Variants in TAF1B observed in about 807,000 individuals in gnomAD.
The protein encoded by TAF1B is TATA-box binding protein associated factor, RNA polymerase I subunit B, also known as TATA box-binding protein-associated factor RNA polymerase I subunit B.
A neutral mutation model predicts 83.9 loss-of-function variants in TAF1B; 61 were observed. The observed-to-expected ratio is 0.73, with a 90% CI of 0.59 to 0.90. The LOEUF is 0.90. TAF1B is among the 40% of genes least tolerant of loss of function. The pLI, the probability that TAF1B is intolerant of heterozygous loss-of-function variation, is 0.00. For missense variants in TAF1B, 625 were observed against 677.0 expected (o/e 0.92, Z 0.85); for synonymous variants, 221 against 224.6 (o/e 0.98, Z 0.14).
chr2:9,919,485 A>G, intron 13 of TAF1B, 113 bp from the exon 14 acceptor site: 1 of 876,588 alleles, frequency 1.1e-6, no homozygotes, highest in South Asian at 1.6e-5. Flanking sequence ...ACTGTGGTAC[A>G]TCTGCGAAAA....
At position 9,849,365 on chromosome 2, in the gene TAF1B, T is replaced by C; in HGVS notation, c.118-8T>C. ...TCTTTTTTAATGGTCTTTTTCTCTTTCCTGCAGAGATATCAGGAAGTTACA... is the reference window on the plus strand; with the variant it reads ...TCTTTTTTAATGGTCTTTTTCTCTTCCCTGCAGAGATATCAGGAAGTTACA... On this transcript the variant is annotated splice_region_variant and splice_polypyrimidine_tract_variant and intron_variant, in intron 2 of 14. Coordinates refer to ENST00000263663, the MANE Select transcript of TAF1B (RefSeq NM_005680.3). 1 of 1,589,148 alleles carries C rather than the reference T, an allele frequency of 6.3e-7. No individual in the cohort carries two copies. Among genetic ancestry groups the C allele is most frequent in the Non-Finnish European group, 8.6e-7 (1 of 1,167,464 alleles).
At chr2:9,913,901 G>A (rs145170477) in intron 12 of TAF1B, among the ~76,000 whole-genome samples, 200 of 152,250 alleles carry the variant, frequency 1.3e-3, no homozygotes, top group African/African-American at 4.5e-3. Context: ...GTCTCTTTGA[G>A]GCTTTGAAGA....
chr2:9,846,171 GTACCAGGAC>G, intron 2 of TAF1B: 1 of 465,888 alleles, frequency 2.1e-6, no homozygotes, highest in South Asian at 1.6e-5. Context: ...AGTTACCCAA[GTACCAGGAC>G]TTGAATGTGA....
chr2:9,896,100 G>A (rs1396345079), intron 8 of TAF1B, among the ~76,000 whole-genome samples: 2 of 152,042 alleles, frequency 1.3e-5, no homozygotes, highest in Non-Finnish European at 2.9e-5. Context: ...TCTTACTATT[G>A]TAATGAAATG....
At chr2:9,891,741 G>A (rs947946899) in intron 8 of TAF1B, among the ~76,000 whole-genome samples, 18 of 151,866 alleles carry the variant, frequency 1.2e-4, no homozygotes, top group Non-Finnish European at 2.1e-4. Context: ...TAACAAAAAA[G>A]TTTAAAGAGT....
intron 8 of TAF1B, among the ~76,000 whole-genome samples, chr2:9,901,281 A>T (rs1168807818): frequency 6.6e-6 from 1 of 152,238 alleles, no homozygotes; most frequent in Non-Finnish European, 1.5e-5. Flanking sequence ...ATTTTAAAAA[A>T]TGAAATCTGT....
intron 8 of TAF1B, among the ~76,000 whole-genome samples, chr2:9,888,402 G>T (rs1664744053): frequency 6.6e-6 from 1 of 151,352 alleles, no homozygotes; most frequent in Non-Finnish European, 1.5e-5. Context: ...TGCCATTTCT[G>T]GTAATCTTTT....
At chr2:9,869,441 T>C (rs2125147148) in intron 6 of TAF1B, among the ~76,000 whole-genome samples, 1 of 151,556 alleles carries the variant, frequency 6.6e-6, no homozygotes, top group East Asian at 2.0e-4. Context: ...GTCAGACTGG[T>C]CTCAAACTCC....
chr2:9,923,406 C>T (rs1041111014), intron 14 of TAF1B, among the ~76,000 whole-genome samples: 2 of 151,864 alleles, frequency 1.3e-5, no homozygotes, highest in Non-Finnish European at 2.9e-5. Context: ...TGGCCGGGCA[C>T]GGTGGTTCAC....
intron 7 of TAF1B, among the ~76,000 whole-genome samples, chr2:9,882,096 C>T (rs1170060299): frequency 1.3e-5 from 2 of 151,802 alleles, no homozygotes; most frequent in Non-Finnish European, 2.9e-5. Context: ...GTAGGATACA[C>T]ACTTCTTGAA....
intron 8 of TAF1B, among the ~76,000 whole-genome samples, chr2:9,887,030 A>G (rs1431189601): frequency 6.6e-6 from 1 of 151,898 alleles, no homozygotes; most frequent in Non-Finnish European, 1.5e-5. Flanking sequence ...GTGCCACTGC[A>G]CTCCAGCCAG....
At chr2:9,906,568 C>T (rs12621371) in intron 9 of TAF1B, among the ~76,000 whole-genome samples, 78,209 of 151,948 alleles carry the variant, frequency 0.51, 23,132 homozygotes, top group Non-Finnish European at 0.68. Flanking sequence ...GTGTTGTGTA[C>T]GTTCAGTGGA....
At chr2:9,868,528 G>C in intron 6 of TAF1B, 99 bp downstream of exon 6, 1 of 1,468,772 alleles carries the variant, frequency 6.8e-7, no homozygotes, top group Non-Finnish European at 9.3e-7. Flanking sequence ...AGGGAACTTG[G>C]TCTAGCGAGG....
intron 5 of TAF1B, among the ~76,000 whole-genome samples, chr2:9,858,874 C>G (rs1160645483): frequency 4.6e-5 from 7 of 152,186 alleles, no homozygotes; most frequent in African/African-American, 1.7e-4. Flanking sequence ...ACCATTTTTC[C>G]CTCCTAGGCA....
intron 8 of TAF1B, among the ~76,000 whole-genome samples, chr2:9,883,092 T>C (rs1481513536): frequency 6.6e-6 from 1 of 152,198 alleles, no homozygotes; most frequent in Non-Finnish European, 1.5e-5. Context: ...TAGAGACCTT[T>C]AGGTAATTTC....
Position 9,854,420 on chromosome 2 carries a change from C to T in TAF1B, c.398C>T (p.Thr133Met), listed in dbSNP as rs773684817. 91 of 1,610,256 alleles carry T rather than the reference C, an allele frequency of 5.7e-5. No homozygotes were observed. The highest frequency in any genetic ancestry group is 3.3e-4 in the Middle Eastern group (2 of 6,080). ...NPVYTTGRKP[T>M]VLEDNLSHSD... ...GTTTATACCACTGGAAGGAAACCTA[C>T]GGTAAGTCACAAGTCTGAAAAGTTG... Residue 133 changes from threonine (T) to methionine (M), a missense_variant and splice_region_variant, in exon 5 of 15, where the codon ACG (threonine) becomes ATG (methionine). Physicochemically the swap from Thr to Met is moderately conservative, Grantham distance 81 (BLOSUM62 -1). Coordinates refer to ENST00000263663, the MANE Select transcript of TAF1B (RefSeq NM_005680.3).
At chr2:9,852,034 C>G (rs1663412660) in intron 4 of TAF1B, 1 of 472,716 alleles carries the variant, frequency 2.1e-6, no homozygotes, top group Admixed American at 2.3e-5. Context: ...TAACGTCCAT[C>G]AGGACTTGAG....
At chr2:9,878,984 G>A (rs1483229318) in intron 7 of TAF1B, among the ~76,000 whole-genome samples, 1 of 152,160 alleles carries the variant, frequency 6.6e-6, no homozygotes, top group Non-Finnish European at 1.5e-5. Flanking sequence ...CAAGAGGGTG[G>A]CATTTACTCT....
At chr2:9,891,233 C>T (rs1338654406) in intron 8 of TAF1B, among the ~76,000 whole-genome samples, 1 of 152,228 alleles carries the variant, frequency 6.6e-6, no homozygotes, top group African/African-American at 2.4e-5. Flanking sequence ...TAGCACAACA[C>T]ATTACTTGTG....
Sources: allele counts gnomAD v4.1 joint callset (sites outside exome capture counted in the v4.1 genomes callset), GRCh38; gene constraint gnomAD v4.1.1; transcripts MANE v1.5; gene names NCBI Gene and HGNC (gene_info 2026-07-23, HGNC 2026-07-21).